CPEB1: variants seen among roughly 807,000 people sequenced by gnomAD.
The protein encoded by CPEB1 is cytoplasmic polyadenylation element binding protein 1.
In CPEB1, 7 loss-of-function variants were observed where a neutral mutation model predicts 65.8. The observed-to-expected ratio is 0.11, with a 90% CI of 0.06 to 0.20. The LOEUF is 0.20. CPEB1 is among the 10% of genes least tolerant of loss of function. The pLI is 1.00. For synonymous variants in CPEB1, 262 were observed against 260.0 expected (o/e 1.01, Z -0.08); for missense variants, 551 against 712.2 (o/e 0.77, Z 2.58).
intron 1 of CPEB1, among the ~76,000 whole-genome samples, chr15:82,632,929 T>C (rs1298934961): frequency 6.6e-6 from 1 of 152,184 alleles, no homozygotes; most frequent in African/African-American, 2.4e-5. Context: ...CCCATTTACT[T>C]TGTGTAGTCC....
At chr15:82,553,708 C>T (rs1596005333) in intron 7 of CPEB1, 152 bp from the exon 8 acceptor site, 3 of 769,438 alleles carry the variant, frequency 3.9e-6, no homozygotes, top group South Asian at 1.5e-5. Context: ...AAGCTCCCGA[C>T]ATAAGGAGCA....
intron 3 of CPEB1, among the ~76,000 whole-genome samples, chr15:82,601,598 A>G (rs2043124878): frequency 6.6e-6 from 1 of 152,166 alleles, no homozygotes; most frequent in Admixed American, 6.5e-5. Context: ...AGATTTGCAG[A>G]ATGGATTAAA....
intron 3 of CPEB1, among the ~76,000 whole-genome samples, chr15:82,597,993 C>T (rs1293667783): frequency 6.6e-6 from 1 of 152,212 alleles, no homozygotes; most frequent in Non-Finnish European, 1.5e-5. Context: ...CCAGTAGAAG[C>T]AGACAGGCTG....
At chr15:82,582,469 T>C (rs551882865) in intron 3 of CPEB1, among the ~76,000 whole-genome samples, 2 of 152,134 alleles carry the variant, frequency 1.3e-5, no homozygotes, top group Non-Finnish European at 2.9e-5. Flanking sequence ...CTTTTTTTAC[T>C]AGAAAGCACA....
chr15:82,544,419 T>A lies in CPEB1; in HGVS notation c.*173A>T. On this transcript the variant is annotated 3_prime_UTR_variant, in exon 13 of 13. Coordinates refer to ENST00000684509, the MANE Select transcript of CPEB1 (RefSeq NM_001365242.1). ...GAAAACAAAACCTGACAAAACTCAATGTGCATTAATTAGTGCAGAAACAAA... is the reference window on the plus strand; with the variant it reads ...GAAAACAAAACCTGACAAAACTCAAAGTGCATTAATTAGTGCAGAAACAAA... 3 of 510,170 alleles carry A rather than the reference T, an allele frequency of 5.9e-6. No individual in the cohort carries two copies. Among genetic ancestry groups the A allele is most frequent in the South Asian group, 2.3e-5 (1 of 43,802 alleles). The allele number at this position is 510,170 out of a possible 1,614,324, so 31.6% of individuals were successfully genotyped here. A position where few individuals can be genotyped will look rare whatever the true frequency, so the allele number is the denominator to read the frequency against.
chr15:82,573,811 T>C (rs999227257), intron 3 of CPEB1, among the ~76,000 whole-genome samples: 4 of 152,136 alleles, frequency 2.6e-5, no homozygotes, highest in African/African-American at 9.7e-5. Context: ...TTAATATATA[T>C]GTATGCAAAA....
chr15:82,576,596 A>G (rs2040675755), intron 3 of CPEB1, among the ~76,000 whole-genome samples: 1 of 152,230 alleles, frequency 6.6e-6, no homozygotes, highest in Admixed American at 6.5e-5. Context: ...AGGTGGTATT[A>G]CAGGTGTTCA....
intron 1 of CPEB1, among the ~76,000 whole-genome samples, chr15:82,644,016 A>T (rs1016605633): frequency 6.6e-6 from 1 of 152,192 alleles, no homozygotes; most frequent in Non-Finnish European, 1.5e-5. Context: ...TGTCCTGAAA[A>T]AAAGGAGCCT....
chr15:82,579,403 T>C (rs28719069), intron 3 of CPEB1, among the ~76,000 whole-genome samples: 1,746 of 152,228 alleles, frequency 0.011, 30 homozygotes, highest in African/African-American at 0.04. Flanking sequence ...CACTCTGGCT[T>C]AGGCGACAGG....
In CPEB1 at chr15:82,543,560, C is replaced by G. The variant is rs1040834727; in HGVS notation, c.*1032G>C. The G allele has an allele frequency of 7.3e-5, 11 of 150,128 alleles. No individual in the cohort carries two copies. Among genetic ancestry groups the G allele is most frequent in the Non-Finnish European group, 1.6e-4 (11 of 67,852 alleles). The allele number at this position is 150,128 out of a possible 1,614,324, so 9.3% of individuals were successfully genotyped here. A position where few individuals can be genotyped will look rare whatever the true frequency, so the allele number is the denominator to read the frequency against. On this transcript the variant is annotated 3_prime_UTR_variant, in exon 13 of 13. Transcript: ENST00000684509. ...TGCAACTGTTATCTCATACATTCCT[C>G]AAATTAAAGATATAAGGGAAGGGTA...
intron 3 of CPEB1, among the ~76,000 whole-genome samples, chr15:82,612,608 G>C (rs987662944): frequency 1.3e-5 from 2 of 151,976 alleles, no homozygotes; most frequent in South Asian, 2.1e-4. Context: ...AGTCCAAGGC[G>C]GGTGGGTCAT....
In CPEB1 at chr15:82,543,220, T is replaced by C. The variant is rs2034569578; in HGVS notation, c.*1372A>G. ...CAGAACTCTGCTGCAACGTGTTTAT[T>C]ATGTGCCAAAAAAACTACACCACAG... On this transcript the variant is annotated 3_prime_UTR_variant, in exon 13 of 13. Transcript: ENST00000684509. 6.6e-6 allele frequency: 1 copy of C among 152,464 alleles called. No homozygotes were observed. The highest frequency in any genetic ancestry group is 1.5e-5 in the Non-Finnish European group (1 of 68,008). 9.4% of individuals were successfully genotyped at this position (152,464 alleles called of 1,614,324 possible).
chr15:82,550,383 G>C (rs545545388), intron 9 of CPEB1, among the ~76,000 whole-genome samples: 1 of 152,216 alleles, frequency 6.6e-6, no homozygotes, highest in African/African-American at 2.4e-5. Context: ...GGCAAAAACA[G>C]TAGTTTCAAA....
At chr15:82,615,664 C>T (rs1415124936) in intron 3 of CPEB1, among the ~76,000 whole-genome samples, 1 of 152,106 alleles carries the variant, frequency 6.6e-6, no homozygotes, top group Non-Finnish European at 1.5e-5. Flanking sequence ...GTTGGATTTA[C>T]AGCTATATCA....
chr15:82,613,751 A>G (rs2044404664), intron 3 of CPEB1, among the ~76,000 whole-genome samples: 1 of 152,184 alleles, frequency 6.6e-6, no homozygotes, highest in Non-Finnish European at 1.5e-5. Flanking sequence ...TATTTAAAGG[A>G]GAAATGCTAA....
At chr15:82,590,502 G>C (rs1250985652) in intron 3 of CPEB1, among the ~76,000 whole-genome samples, 1 of 152,160 alleles carries the variant, frequency 6.6e-6, no homozygotes, top group East Asian at 1.9e-4. Context: ...CCTTTCAGCA[G>C]TCACTCTCTG....
intron 3 of CPEB1, among the ~76,000 whole-genome samples, chr15:82,588,936 C>G (rs1262967773): frequency 1.3e-5 from 2 of 152,200 alleles, no homozygotes; most frequent in Non-Finnish European, 2.9e-5. Context: ...AATTGTCCCT[C>G]TTTTCCCCAT....
intron 12 of CPEB1, 104 bp downstream of exon 12, chr15:82,546,337 C>G: frequency 1.2e-6 from 1 of 861,116 alleles, no homozygotes; most frequent in Non-Finnish European, 1.9e-6. Context: ...CCTCCTGATC[C>G]GCCCACCTTG....
chr15:82,612,161 A>G (rs1241520719), intron 3 of CPEB1, among the ~76,000 whole-genome samples: 1 of 152,208 alleles, frequency 6.6e-6, no homozygotes, highest in Non-Finnish European at 1.5e-5. Flanking sequence ...TGAAACAGAG[A>G]AATTCCTAGA....
Sources: allele counts gnomAD v4.1 joint callset (sites outside exome capture counted in the v4.1 genomes callset), GRCh38; gene constraint gnomAD v4.1.1; transcripts MANE v1.5; gene names NCBI Gene and HGNC (gene_info 2026-07-23, HGNC 2026-07-21).